AFF3: variants seen among roughly 807,000 people sequenced by gnomAD.
AFF3 encodes the protein AF4/FMR2 family member 3.
Under a neutral mutation model 129.7 loss-of-function variants are expected in AFF3, and 32 were observed. The ratio of observed to expected loss-of-function variants is 0.25; its 90% CI spans 0.19 to 0.33. The LOEUF (loss-of-function observed/expected upper bound fraction) is 0.33, where lower values mean the gene tolerates loss of function less well. Among genes scored for constraint, AFF3 ranks in the 10% least tolerant of loss-of-function variants. The probability of loss-of-function intolerance (pLI) is 1.00; values close to 1 mark genes in which losing one functional copy is unlikely to be tolerated. For missense variants in AFF3, 1,373 were observed against 1,592.0 expected (o/e 0.86, Z 2.34); for synonymous variants, 644 against 635.4 (o/e 1.01, Z -0.20).
chr2:99,871,353 C>T (rs545151962), intron 7 of AFF3, among the ~76,000 whole-genome samples: 3 of 152,248 alleles, frequency 2.0e-5, no homozygotes, highest in African/African-American at 7.2e-5. Context: ...GCTCATCTAA[C>T]CAAGTAAATA....
chr2:99,886,408 G>T (rs1693114101), intron 7 of AFF3, among the ~76,000 whole-genome samples: 1 of 146,550 alleles, frequency 6.8e-6, no homozygotes, highest in Non-Finnish European at 1.5e-5. Flanking sequence ...ATACTCACTC[G>T]AGTCATTACA....
At chr2:99,671,418 C>G (rs1575654395) in intron 12 of AFF3, among the ~76,000 whole-genome samples, 1 of 152,190 alleles carries the variant, frequency 6.6e-6, no homozygotes, top group Admixed American at 6.5e-5. Flanking sequence ...GGTTTCCAGA[C>G]TCCTCAAGCT....
chr2:100,129,654 A>C (rs1016111400), intron 1 of AFF3, among the ~76,000 whole-genome samples: 2 of 152,198 alleles, frequency 1.3e-5, no homozygotes, highest in African/African-American at 4.8e-5. Flanking sequence ...TAATCGGCAC[A>C]TTAAAGCTGA....
chr2:99,597,064 A>G (rs1233545907), intron 14 of AFF3, among the ~76,000 whole-genome samples: 1 of 152,230 alleles, frequency 6.6e-6, no homozygotes, highest in African/African-American at 2.4e-5. Flanking sequence ...TTTACAGATA[A>G]GAAAGGTTAT....
intron 12 of AFF3, among the ~76,000 whole-genome samples, chr2:99,655,931 C>A (rs1023870099): frequency 6.6e-6 from 1 of 152,122 alleles, no homozygotes; most frequent in Non-Finnish European, 1.5e-5. Context: ...ATTGAGGGAA[C>A]AGGTGACTGA....
intron 13 of AFF3, among the ~76,000 whole-genome samples, chr2:99,642,498 A>T (rs1003418135): frequency 1.3e-5 from 2 of 152,162 alleles, no homozygotes; most frequent in Non-Finnish European, 2.9e-5. Context: ...GTTGCAAAGA[A>T]TTATTTCCTC....
At chr2:99,952,852 C>T (rs527969237) in intron 7 of AFF3, among the ~76,000 whole-genome samples, 51 of 152,300 alleles carry the variant, frequency 3.3e-4, no homozygotes, top group Admixed American at 7.8e-4. Flanking sequence ...GGTGCAAATC[C>T]TGCCTCTCGA....
chr2:99,711,802 T>C (rs1227582106), intron 11 of AFF3, among the ~76,000 whole-genome samples: 2 of 152,164 alleles, frequency 1.3e-5, no homozygotes, highest in Non-Finnish European at 2.9e-5. Flanking sequence ...TCATTAAAGA[T>C]AACATTGGGA....
At chr2:99,813,181 G>C (rs1443305208) in intron 8 of AFF3, among the ~76,000 whole-genome samples, 1 of 152,128 alleles carries the variant, frequency 6.6e-6, no homozygotes, top group Non-Finnish European at 1.5e-5. Flanking sequence ...TGCAGGCAGA[G>C]GTTGGAGGGA....
At chr2:99,912,675 G>T (rs1695181044) in intron 7 of AFF3, among the ~76,000 whole-genome samples, 2 of 152,086 alleles carry the variant, frequency 1.3e-5, no homozygotes, top group South Asian at 4.2e-4. Context: ...ATTTAATGAG[G>T]CAAAATCTCA....
chr2:100,107,585 A>C (rs1691360763), intron 2 of AFF3: 1 of 850,106 alleles, frequency 1.2e-6, no homozygotes, highest in Non-Finnish European at 1.4e-6. Flanking sequence ...ACATGGATGC[A>C]AGCAACACCC....
At chr2:100,049,264 G>A (rs1223603435) in intron 4 of AFF3, among the ~76,000 whole-genome samples, 2 of 152,160 alleles carry the variant, frequency 1.3e-5, no homozygotes, top group African/African-American at 4.8e-5. Flanking sequence ...GGTGCCACAG[G>A]GGAAGGCCAC....
intron 13 of AFF3, among the ~76,000 whole-genome samples, chr2:99,648,626 T>C (rs79403906): frequency 6.6e-5 from 10 of 152,136 alleles, no homozygotes; most frequent in Non-Finnish European, 1.2e-4. Flanking sequence ...TTTTCACTCA[T>C]GCACACCAGA....
At chr2:99,576,226 T>G (rs919203237) in intron 18 of AFF3, among the ~76,000 whole-genome samples, 3 of 151,652 alleles carry the variant, frequency 2.0e-5, no homozygotes, top group Non-Finnish European at 4.4e-5. Flanking sequence ...AGAGACAAGA[T>G]TTCACCATCT....
Position 99,753,877 on chromosome 2 carries a change from C to T in AFF3, c.922-1576G>A, listed in dbSNP as rs531658850. Among the ~76,000 whole-genome samples the T allele has an allele frequency of 9.9e-5, 15 of 152,276 alleles. 1 individual carries two copies. The highest frequency in any genetic ancestry group is 9.8e-4 in the Admixed American group (15 of 15,308). On this transcript the variant is annotated intron_variant, in intron 8 of 24. Coordinates refer to ENST00000672756, the MANE Select transcript of AFF3 (RefSeq NM_001386135.1). ...GATCCAGTGACCCTTTAAACTGTCC[C>T]TCTCTCCTCCCATCTCTGCCCTGCT...
chr2:100,056,835 C>G (rs1439582106), intron 4 of AFF3, among the ~76,000 whole-genome samples: 1 of 152,152 alleles, frequency 6.6e-6, no homozygotes, highest in African/African-American at 2.4e-5. Context: ...TGGTTCACCT[C>G]AGGCACTCTG....
At chr2:99,800,041 C>CA (rs1409161728) in intron 8 of AFF3, among the ~76,000 whole-genome samples, 1 of 152,012 alleles carries the variant, frequency 6.6e-6, no homozygotes, top group African/African-American at 2.4e-5. Context: ...GCCACAACTC[C>CA]AAAAACAAGA....
chr2:99,578,316 T>G lies in AFF3; in HGVS notation c.2918+11A>C, dbSNP rs758292957. 7 of 1,593,002 alleles carry G rather than the reference T, an allele frequency of 4.4e-6. No individual in the cohort carries two copies. In the African/African-American group the frequency reaches 6.8e-5, roughly 15 times the overall value. ...TTGCCCCTCACCACATTTAAAAGCG[T>G]CTGAACTTACATATCATCGAAGACA... On this transcript the variant is annotated intron_variant, in intron 18 of 24. Transcript: ENST00000672756.
chr2:99,701,786 C>T (rs1676888202), intron 11 of AFF3, among the ~76,000 whole-genome samples: 1 of 152,236 alleles, frequency 6.6e-6, no homozygotes, highest in Non-Finnish European at 1.5e-5. Flanking sequence ...ACCATCACCA[C>T]AAACGTCTTT....
Sources: allele counts gnomAD v4.1 joint callset (sites outside exome capture counted in the v4.1 genomes callset), GRCh38; gene constraint gnomAD v4.1.1; transcripts MANE v1.5; gene names NCBI Gene and HGNC (gene_info 2026-07-23, HGNC 2026-07-21).